The following ZNF705A variants were observed in gnomAD, a reference collection of about 807,000 sequenced individuals.
ZNF705A encodes the protein zinc finger protein 705A.
ZNF705A carries 8 observed loss-of-function variants against 16.6 expected under a neutral mutation model. The ratio of observed to expected loss-of-function variants is 0.48; its 90% CI spans 0.28 to 0.87. ZNF705A has a LOEUF of 0.87. ZNF705A is among the 40% of genes least tolerant of loss of function. The pLI is 0.10. For missense variants in ZNF705A, 233 were observed against 359.9 expected (o/e 0.65, Z 2.85); for synonymous variants, 73 against 117.3 (o/e 0.62, Z 2.44).
At chr12:8,174,328 G>C (rs1343714691) in exon 2 of ZNF705A, 1 of 1,596,046 alleles carries the variant, frequency 6.3e-7, no homozygotes, top group East Asian at 2.2e-5. Flanking sequence ...TGTTTTAGAA[G>C]AAAGTGACTT....
intron 1 of ZNF705A, among the ~76,000 whole-genome samples, chr12:8,157,817 T>A (rs989216695): frequency 1.3e-5 from 2 of 152,142 alleles, no homozygotes; most frequent in African/African-American, 4.8e-5. Flanking sequence ...ACACAAATTA[T>A]AATTAGAGTT....
At chr12:8,165,478 T>C (rs1222398222) in intron 1 of ZNF705A, among the ~76,000 whole-genome samples, 2 of 118,332 alleles carry the variant, frequency 1.7e-5, no homozygotes, top group Non-Finnish European at 3.6e-5. Flanking sequence ...TTTTTTTTAG[T>C]GGAGACAAGG....
intron 1 of ZNF705A, 138 bp downstream of exon 2, chr12:8,172,775 T>G: frequency 1.4e-6 from 2 of 1,410,982 alleles, no homozygotes; most frequent in Non-Finnish European, 9.6e-7. Flanking sequence ...CCACCTAGCC[T>G]GGGTATTCCA....
chr12:8,177,570 C>G, exon 5 of ZNF705A: 1 of 1,611,600 alleles, frequency 6.2e-7, no homozygotes, highest in South Asian at 1.1e-5. Flanking sequence ...AGTCTGTCTT[C>G]CGACCTTAGA....
chr12:8,158,775 C>T (rs1948329975), intron 1 of ZNF705A, among the ~76,000 whole-genome samples: 1 of 151,900 alleles, frequency 6.6e-6, no homozygotes. Flanking sequence ...GATATATTTC[C>T]TTTCCCTGAC....
chr12:8,170,401 T>G (rs1948436522), upstream of ZNF705A, among the ~76,000 whole-genome samples: 1 of 152,226 alleles, frequency 6.6e-6, no homozygotes, highest in Non-Finnish European at 1.5e-5. Context: ...ATGTATGTGT[T>G]TTAAAATATA....
intron 1 of ZNF705A, among the ~76,000 whole-genome samples, chr12:8,166,395 G>T (rs1465192827): frequency 2.0e-5 from 3 of 152,186 alleles, no homozygotes; most frequent in South Asian, 2.1e-4. Context: ...GTTGTGGGGG[G>T]ACCCAGTGGC....
chr12:8,171,073 T>C (rs1948441173), upstream of ZNF705A, among the ~76,000 whole-genome samples: 1 of 152,222 alleles, frequency 6.6e-6, no homozygotes, highest in South Asian at 2.1e-4. Context: ...TTGTCATATT[T>C]TTCAAACTCT....
At chr12:8,175,908 T>C in exon 4 of ZNF705A, 1 of 1,611,544 alleles carries the variant, frequency 6.2e-7, no homozygotes. Flanking sequence ...ATGCATCCTA[T>C]CACCAGAAAA....
upstream of ZNF705A, among the ~76,000 whole-genome samples, chr12:8,167,945 C>T (rs1401647923): frequency 1.3e-5 from 2 of 152,226 alleles, no homozygotes; most frequent in Admixed American, 1.3e-4. Flanking sequence ...AGGCTTTAAC[C>T]TTGATCCTGC....
rs145631197 is a variant in ZNF705A at position 8,157,477 on chromosome 12, A to T, written c.-72+385A>T. ...TTCCTCTCACTTCCTTGAGAAAAGC[A>T]ACACTTGAATACTGGCCTTTGATTA... On this transcript the variant is annotated intron_variant, in intron 1 of 5. Transcript: ENST00000396570. 6.9e-3 allele frequency among the ~76,000 whole-genome samples: 1,045 copies of T among 152,270 alleles called. 11 individuals carry two copies. Among genetic ancestry groups the T allele is most frequent in the African/African-American group, 0.025 (1,023 of 41,570 alleles).
chr12:8,172,786 A>G, intron 1 of ZNF705A, 149 bp downstream of exon 2: 6 of 1,355,986 alleles, frequency 4.4e-6, no homozygotes, highest in Non-Finnish European at 6.0e-6. Flanking sequence ...GGGTATTCCA[A>G]ATGCAATCAG....
chr12:8,175,783 T>C, intron 3 of ZNF705A, 77 bp from the exon 5 acceptor site: 2 of 1,602,742 alleles, frequency 1.2e-6, no homozygotes, highest in Admixed American at 1.7e-5. Context: ...TGAAAAAAAG[T>C]AAATGGGCCT....
upstream of ZNF705A, among the ~76,000 whole-genome samples, chr12:8,170,196 C>CAAAAAAAAAAAAAAA (rs1188328005): frequency 2.0e-3 from 251 of 126,498 alleles, 17 homozygotes; most frequent in African/African-American, 9.0e-3. Context: ...CCCCCCCCCC[C>CAAAAAAAAAAAAAAA]AAAAAAAAAA....
At chr12:8,173,908 T>C (rs1948464167) in intron 1 of ZNF705A, among the ~76,000 whole-genome samples, 1 of 152,226 alleles carries the variant, frequency 6.6e-6, no homozygotes, top group African/African-American at 2.4e-5. Context: ...AGAGAAATAG[T>C]TTATTTCATC....
chr12:8,159,044 T>C (rs1282294968), intron 1 of ZNF705A, among the ~76,000 whole-genome samples: 1 of 152,076 alleles, frequency 6.6e-6, no homozygotes, highest in Admixed American at 6.6e-5. Context: ...CTCCCACATA[T>C]CAATGAGCAC....
intron 1 of ZNF705A, among the ~76,000 whole-genome samples, chr12:8,161,167 G>A (rs34105195): frequency 0.15 from 23,241 of 152,078 alleles, 2,912 homozygotes; most frequent in African/African-American, 0.33. Flanking sequence ...TGCATCTCTG[G>A]TATGAAACCC....
chr12:8,173,331 ATTAT>A (rs1948459868), intron 1 of ZNF705A, among the ~76,000 whole-genome samples: 1 of 152,228 alleles, frequency 6.6e-6, no homozygotes, highest in South Asian at 2.1e-4. Flanking sequence ...AAGAAATATA[ATTAT>A]TTAATTACGG....
At chr12:8,164,360 T>C (rs945253688) in intron 1 of ZNF705A, among the ~76,000 whole-genome samples, 6 of 152,246 alleles carry the variant, frequency 3.9e-5, no homozygotes, top group Admixed American at 1.3e-4. Flanking sequence ...GGTTGGCCTA[T>C]TTCATATAAC....
Sources: allele counts gnomAD v4.1 joint callset (sites outside exome capture counted in the v4.1 genomes callset), GRCh38; gene constraint gnomAD v4.1.1; transcripts MANE v1.5; gene names NCBI Gene and HGNC (gene_info 2026-07-23, HGNC 2026-07-21).